PARD3: variants seen among roughly 807,000 people sequenced by gnomAD.
PARD3 encodes partitioning defective 3 homolog.
Under a neutral mutation model 155.4 loss-of-function variants are expected in PARD3, and 75 were observed. The ratio of observed to expected loss-of-function variants is 0.48; its 90% CI spans 0.40 to 0.58. The LOEUF (loss-of-function observed/expected upper bound fraction) is 0.58, where lower values mean the gene tolerates loss of function less well. Among genes scored for constraint, PARD3 ranks in the 20% least tolerant of loss-of-function variants. PARD3 has a pLI of 0.00. For synonymous variants in PARD3, 576 were observed against 610.5 expected (o/e 0.94, Z 0.83); for missense variants, 1,642 against 1,721.7 (o/e 0.95, Z 0.82).
intron 5 of PARD3, among the ~76,000 whole-genome samples, chr10:34,447,666 G>A (rs187543783): frequency 3.9e-4 from 59 of 151,470 alleles, no homozygotes; most frequent in Admixed American, 6.6e-4. Context: ...TTAGCTGGGC[G>A]TGGTGGTGGG....
intron 11 of PARD3, among the ~76,000 whole-genome samples, chr10:34,373,065 C>T (rs1020182377): frequency 2.6e-5 from 4 of 151,672 alleles, no homozygotes; most frequent in Non-Finnish European, 5.9e-5. Flanking sequence ...AAAAAGGCAC[C>T]GATTGATAAA....
intron 22 of PARD3, among the ~76,000 whole-genome samples, chr10:34,149,270 G>A (rs996202627): frequency 3.3e-5 from 5 of 152,038 alleles, no homozygotes; most frequent in African/African-American, 1.2e-4. Flanking sequence ...CCTGAGAGAG[G>A]TTTGAAACAG....
In PARD3 at chr10:34,269,640, T is replaced by A. The variant is rs1457559430; in HGVS notation, c.3419+17A>T. The A allele has an allele frequency of 6.2e-7, 1 of 1,610,510 alleles. No individual in the cohort carries two copies. ...AGCTGATTTGGAAGCAATACCACGA[T>A]TGCCCCTGGCGCCTACCTGTCTACA... On this transcript the variant is annotated intron_variant, in intron 22 of 24. Coordinates refer to ENST00000374788, the MANE Select transcript of PARD3 (RefSeq NM_001184785.2).
intron 1 of PARD3, among the ~76,000 whole-genome samples, chr10:34,712,275 C>T (rs2094459631): frequency 6.6e-6 from 1 of 152,176 alleles, no homozygotes; most frequent in Non-Finnish European, 1.5e-5. Context: ...ATAATCCAAG[C>T]CTAAGTCCCT....
In PARD3 at chr10:34,486,178, A is replaced by G. The variant is rs376408095; in HGVS notation, c.404-15915T>C. Among the ~76,000 whole-genome samples the G allele has an allele frequency of 2.4e-4, 36 of 152,170 alleles. No individual in the cohort carries two copies. The East Asian group carries it at 6.8e-3, about 29-fold the overall frequency. The stretch of plus-strand genomic sequence containing the variant: ...AGTGATCCTCCTGCCATGACCTCCC[A>G]AAGTGTTGGGATTAGAGGCACGAGC... On this transcript the variant is annotated intron_variant, in intron 3 of 24. Transcript: ENST00000374788.
intron 3 of PARD3, among the ~76,000 whole-genome samples, chr10:34,511,305 A>G (rs1423463901): frequency 6.6e-6 from 1 of 152,132 alleles, no homozygotes; most frequent in Non-Finnish European, 1.5e-5. Flanking sequence ...ATCAGGAGGC[A>G]TACAATGTTT....
intron 2 of PARD3, among the ~76,000 whole-genome samples, chr10:34,665,281 G>C (rs958582974): frequency 9.9e-5 from 15 of 152,038 alleles, no homozygotes; most frequent in Admixed American, 3.9e-4. Flanking sequence ...GGAGGCCGAG[G>C]CAGGTGGATC....
At chr10:34,638,253 C>T (rs574229474) in intron 2 of PARD3, among the ~76,000 whole-genome samples, 20 of 152,146 alleles carry the variant, frequency 1.3e-4, no homozygotes, top group Non-Finnish European at 2.6e-4. Context: ...TAAGAAACTG[C>T]CATGCTTTCT....
At chr10:34,708,411 G>A (rs971549994) in intron 1 of PARD3, among the ~76,000 whole-genome samples, 9 of 152,164 alleles carry the variant, frequency 5.9e-5, no homozygotes, top group African/African-American at 2.2e-4. Context: ...GTAATGGAAT[G>A]ATACATTGGT....
At chr10:34,694,999 A>G (rs2094138960) in intron 2 of PARD3, among the ~76,000 whole-genome samples, 1 of 152,168 alleles carries the variant, frequency 6.6e-6, no homozygotes, top group African/African-American at 2.4e-5. Flanking sequence ...AGTAGGAAGC[A>G]GAGTGAATAT....
intron 22 of PARD3, among the ~76,000 whole-genome samples, chr10:34,165,781 CTCTT>C (rs1949499553): frequency 1.3e-5 from 2 of 152,152 alleles, no homozygotes; most frequent in Admixed American, 6.6e-5. Flanking sequence ...TCTTTTACAT[CTCTT>C]TGTTTGTTCC....
chr10:34,215,756 G>A (rs900406879), intron 22 of PARD3, among the ~76,000 whole-genome samples: 3 of 152,194 alleles, frequency 2.0e-5, no homozygotes, highest in Non-Finnish European at 4.4e-5. Context: ...AAAAGATAGC[G>A]AATTATATTC....
chr10:34,710,404 A>G (rs2094433153), intron 1 of PARD3, among the ~76,000 whole-genome samples: 1 of 151,404 alleles, frequency 6.6e-6, no homozygotes, highest in African/African-American at 2.4e-5. Flanking sequence ...CTCTTAAATA[A>G]CTAGTGAATA....
intron 2 of PARD3, among the ~76,000 whole-genome samples, chr10:34,603,369 GC>G (rs142770022): frequency 0.029 from 4,396 of 152,252 alleles, 212 homozygotes; most frequent in African/African-American, 0.1. Flanking sequence ...CATTCCAAGA[GC>G]CCCAGGGGTT....
At chr10:34,343,808 A>G (rs1837093570) in intron 15 of PARD3, 1 of 977,482 alleles carries the variant, frequency 1.0e-6, no homozygotes, top group East Asian at 1.1e-4. Flanking sequence ...CTAGTTAACT[A>G]GTGACCTACA....
At chr10:34,184,650 C>T (rs545575406) in intron 22 of PARD3, among the ~76,000 whole-genome samples, 10 of 152,132 alleles carry the variant, frequency 6.6e-5, no homozygotes, top group African/African-American at 2.4e-4. Context: ...CGATTTACAA[C>T]CCCAGCTCAC....
rs2078845501 is a variant in PARD3 at position 34,478,315 on chromosome 10, A to C, written c.404-8052T>G. Among the ~76,000 whole-genome samples, 6 of 152,212 alleles carry C rather than the reference A, an allele frequency of 3.9e-5. No individual in the cohort carries two copies. The South Asian group carries it at 1.2e-3, about 31-fold the overall frequency. ...CTATACTCCAAGAAGACCCAGCTGC[A>C]TTGGGAGTACTTGGTAATTGACTCT... On this transcript the variant is annotated intron_variant, in intron 3 of 24. Coordinates refer to ENST00000374788, the MANE Select transcript of PARD3 (RefSeq NM_001184785.2).
chr10:34,637,349 C>T (rs2092514540), intron 2 of PARD3, among the ~76,000 whole-genome samples: 1 of 152,326 alleles, frequency 6.6e-6, no homozygotes, highest in South Asian at 2.1e-4. Context: ...AGAAAAAAGA[C>T]TCCTTATCAA....
intron 1 of PARD3, among the ~76,000 whole-genome samples, chr10:34,814,092 G>C (rs1207645023): frequency 1.3e-5 from 2 of 152,188 alleles, no homozygotes; most frequent in Non-Finnish European, 2.9e-5. Flanking sequence ...AACCAGCCCG[G>C]GATAGGTAGG....
Sources: allele counts gnomAD v4.1 joint callset (sites outside exome capture counted in the v4.1 genomes callset), GRCh38; gene constraint gnomAD v4.1.1; transcripts MANE v1.5; gene names NCBI Gene and HGNC (gene_info 2026-07-23, HGNC 2026-07-21).